PRDM11: variants seen among roughly 807,000 people sequenced by gnomAD.
PRDM11 encodes the protein PR domain-containing protein 11.
In PRDM11, 20 loss-of-function variants were observed where a neutral mutation model predicts 97.8. The ratio of observed to expected loss-of-function variants is 0.20; its 90% CI spans 0.14 to 0.30. PRDM11 has a LOEUF of 0.30. Among genes scored for constraint, PRDM11 ranks in the 10% least tolerant of loss-of-function variants. The pLI is 1.00. For missense variants in PRDM11, 1,139 were observed against 1,555.2 expected (o/e 0.73, Z 4.50); for synonymous variants, 599 against 637.7 (o/e 0.94, Z 0.91).
chr11:45,196,631 G>T (rs566281482), intron 4 of PRDM11, among the ~76,000 whole-genome samples: 1 of 152,154 alleles, frequency 6.6e-6, no homozygotes, highest in Non-Finnish European at 1.5e-5. Flanking sequence ...CTTCCCCAAG[G>T]GTCCAAACTA....
chr11:45,204,724 A>G lies in PRDM11; in HGVS notation c.500A>G (p.Asn167Ser). Residue 167 changes from asparagine to serine, a missense_variant, in exon 5 of 8, where the codon AAC (asparagine) becomes AGC (serine). Asn to Ser is a conservative substitution (Grantham distance 46). This residue lies in a region of PRDM11 where 429 missense variants were observed against 510.3 expected (regional missense o/e 0.84). Coordinates refer to ENST00000683152, the MANE Select transcript of PRDM11 (RefSeq NM_001384648.1). ...GFFSWLIVDKNNRYKSIDGSD... is the reference protein window; with the variant it reads ...GFFSWLIVDKSNRYKSIDGSD... ...TCTTTCTTCCAGATTGTGGACAAGA[A>G]CAACCGCTATAAGTCCATAGATGGC... 1 of 1,612,708 alleles carries G rather than the reference A, an allele frequency of 6.2e-7. No individual in the cohort carries two copies. Among genetic ancestry groups the G allele is most frequent in the Non-Finnish European group, 8.5e-7 (1 of 1,178,696 alleles).
intron 4 of PRDM11, among the ~76,000 whole-genome samples, chr11:45,195,068 T>C (rs1462105229): frequency 6.6e-6 from 1 of 152,050 alleles, no homozygotes; most frequent in Non-Finnish European, 1.5e-5. Context: ...ATCCCATTGC[T>C]GGTCTTCCCA....
At chr11:45,162,673 T>TC (rs768863750) in intron 1 of PRDM11, among the ~76,000 whole-genome samples, 26 of 152,168 alleles carry the variant, frequency 1.7e-4, no homozygotes, top group Admixed American at 3.9e-4. Context: ...GGAAGTTAAG[T>TC]GGCTTCCCAA....
At chr11:45,151,013 G>A (rs1446074949) in intron 1 of PRDM11, among the ~76,000 whole-genome samples, 1 of 152,210 alleles carries the variant, frequency 6.6e-6, no homozygotes, top group Non-Finnish European at 1.5e-5. Context: ...CATCTCCTTG[G>A]TATGTCTTCT....
chr11:45,173,849 T>G (rs191215123), intron 1 of PRDM11, among the ~76,000 whole-genome samples: 1 of 152,248 alleles, frequency 6.6e-6, no homozygotes, highest in Non-Finnish European at 1.5e-5. Flanking sequence ...ATATGGGAGT[T>G]CCTTGCCCTC....
In PRDM11 at chr11:45,227,256, C is replaced by T; in HGVS notation, c.2631C>T (p.Ser877=). 1 of 1,533,984 alleles carries T rather than the reference C, an allele frequency of 6.5e-7. No individual in the cohort carries two copies. The highest frequency in any genetic ancestry group is 8.7e-7 in the Non-Finnish European group (1 of 1,146,740). The change falls in exon 8 of 8, where the codon TCC becomes TCT. Residue 877 remains serine (S), a synonymous_variant. Transcript: ENST00000683152. The surrounding 1 kb of genome is among the most constrained non-coding windows in gnomAD (Gnocchi z 8.0). ...TGCAGTTCCTCATGGACTACCAGTCCATCAAGCTCATCTACTTCCTGCTGG... is the reference window on the plus strand; with the variant it reads ...TGCAGTTCCTCATGGACTACCAGTCTATCAAGCTCATCTACTTCCTGCTGG... ...ALLQFLMDYQ[S]IKLIYFLLDV... is the part of the protein sequence containing the mutation.
Position 45,229,619 on chromosome 11 carries a change from T to G in PRDM11, c.*1460T>G, listed in dbSNP as rs2135864947. 6.6e-6 allele frequency: 1 copy of G among 152,324 alleles called. No individual in the cohort carries two copies. The highest frequency in any genetic ancestry group is 2.1e-4 in the South Asian group (1 of 4,824). 9.4% of individuals were successfully genotyped at this position (152,324 alleles called of 1,614,324 possible). On this transcript the variant is annotated 3_prime_UTR_variant, in exon 8 of 8. Coordinates refer to ENST00000683152, the MANE Select transcript of PRDM11 (RefSeq NM_001384648.1). ...AGGAGTCTGATCAATGCTCTTTCAT[T>G]CATTTAACTACCGGTATACCTCGCA...
chr11:45,144,564 G>A (rs1447389828), upstream of PRDM11, among the ~76,000 whole-genome samples: 4 of 152,126 alleles, frequency 2.6e-5, no homozygotes, highest in Non-Finnish European at 4.4e-5. Context: ...CTCTCTGGAG[G>A]ATGGGACCAC....
intron 4 of PRDM11, among the ~76,000 whole-genome samples, chr11:45,183,700 A>G (rs1852601532): frequency 1.3e-5 from 2 of 152,212 alleles, no homozygotes; most frequent in African/African-American, 4.8e-5. Flanking sequence ...TTTCAAGGGT[A>G]TGAGGAGGAA....
Position 45,171,352 on chromosome 11 carries a change from G to T in PRDM11, c.-6-10409G>T, listed in dbSNP as rs151128536. The stretch of plus-strand genomic sequence containing the variant: ...TGACCTCAGGTGATTCACCCACCTC[G>T]GCCTCCCAAAGTGCTGGGATTACAG... On this transcript the variant is annotated intron_variant, in intron 1 of 7. Coordinates refer to ENST00000683152, the MANE Select transcript of PRDM11 (RefSeq NM_001384648.1). Among the ~76,000 whole-genome samples, 188 of 152,214 alleles carry T rather than the reference G, an allele frequency of 1.2e-3. 1 individual carries two copies. Among genetic ancestry groups the T allele is most frequent in the Non-Finnish European group, 2.2e-3 (149 of 68,012 alleles).
At chr11:45,225,192 A>C in intron 7 of PRDM11, 8 of 1,194,822 alleles carry the variant, frequency 6.7e-6, no homozygotes, top group East Asian at 3.6e-5. Flanking sequence ...CCCCAGTCTC[A>C]AGCAGGGTGT....
chr11:45,127,589 G>T (rs1203041800), intron 1 of PRDM11, among the ~76,000 whole-genome samples: 2 of 152,220 alleles, frequency 1.3e-5, no homozygotes, highest in African/African-American at 4.8e-5. Flanking sequence ...GTTGGAGTTT[G>T]CTAGAAGTCT....
At chr11:45,109,050 C>T (rs934124765) in intron 1 of PRDM11, among the ~76,000 whole-genome samples, 2 of 152,248 alleles carry the variant, frequency 1.3e-5, no homozygotes, top group Admixed American at 1.3e-4. Context: ...ACTGTCAACA[C>T]CCCTGGCCAC....
intron 1 of PRDM11, among the ~76,000 whole-genome samples, chr11:45,109,723 A>T (rs1470238542): frequency 6.6e-6 from 1 of 152,108 alleles, no homozygotes; most frequent in African/African-American, 2.4e-5. Context: ...TCAGGTAGTG[A>T]GCTCCTGTCC....
chr11:45,098,831 G>C (rs905015110), intron 1 of PRDM11, among the ~76,000 whole-genome samples: 4 of 152,152 alleles, frequency 2.6e-5, no homozygotes, highest in African/African-American at 4.8e-5. Flanking sequence ...AGAGGATGTG[G>C]GAACAGGAAG....
chr11:45,202,976 C>T (rs919406931), intron 4 of PRDM11, among the ~76,000 whole-genome samples: 27 of 152,100 alleles, frequency 1.8e-4, no homozygotes, highest in African/African-American at 6.5e-4. Flanking sequence ...GGGGGCAGGC[C>T]TGTAGGGTAT....
intron 1 of PRDM11, among the ~76,000 whole-genome samples, chr11:45,122,845 G>T (rs1216300084): frequency 6.6e-6 from 1 of 152,118 alleles, no homozygotes; most frequent in African/African-American, 2.4e-5. Context: ...ATAGTCCTTT[G>T]GGTACATACC....
intron 1 of PRDM11, among the ~76,000 whole-genome samples, chr11:45,156,864 G>A (rs2135696126): frequency 6.6e-6 from 1 of 152,286 alleles, no homozygotes; most frequent in East Asian, 1.9e-4. Context: ...GAGGGAGAGG[G>A]AAGGGCATTT....
At chr11:45,099,750 A>G (rs1851941377) in intron 1 of PRDM11, among the ~76,000 whole-genome samples, 1 of 152,212 alleles carries the variant, frequency 6.6e-6, no homozygotes, top group Non-Finnish European at 1.5e-5. Flanking sequence ...TTTAAACTGT[A>G]CAATTAAGTT....
Sources: gnomAD v4.1 joint callset for allele counts (sites outside exome capture counted in the v4.1 genomes callset) on GRCh38, gnomAD v4.1.1 for gene constraint, gnomAD v4.1.1 regional missense constraint, Gnocchi (gnomAD v3.1) non-coding constraint, MANE v1.5 for transcripts, NCBI Gene and HGNC (gene_info 2026-07-23, HGNC 2026-07-21) for gene names.